The following ZSCAN20 variants were observed in gnomAD, a reference collection of about 807,000 sequenced individuals.
ZSCAN20 encodes the protein zinc finger and SCAN domain-containing protein 20.
A neutral mutation model predicts 97.1 loss-of-function variants in ZSCAN20; 39 were observed. That is an observed-to-expected ratio of 0.40 (90% CI 0.31 to 0.52). ZSCAN20 has a LOEUF of 0.52. ZSCAN20 is among the 20% of genes least tolerant of loss of function. The pLI, the probability that ZSCAN20 is intolerant of heterozygous loss-of-function variation, is 0.49. For synonymous variants in ZSCAN20, 456 were observed against 467.3 expected, an observed-to-expected ratio of 0.98 and a Z score of 0.31; for missense variants, 1,115 against 1,290.4, an observed-to-expected ratio of 0.86 and a Z score of 2.08.
At chr1:33,490,629 C>T (rs1487532980) in intron 5 of ZSCAN20, among the ~76,000 whole-genome samples, 1 of 149,728 alleles carries the variant, frequency 6.7e-6, no homozygotes, top group Non-Finnish European at 1.5e-5. Context: ...CCTAGCAGGA[C>T]AGAGACTCAC....
chr1:33,499,049 A>C lies in ZSCAN20; in HGVS notation c.*3573A>C, dbSNP rs1652972474. On this transcript the variant is annotated 3_prime_UTR_variant, in exon 8 of 8. Transcript: ENST00000684572. ...CGAGTAAAGCAGCTAGGGTCCCTCC[A>C]TGCTAAATAATGTAGTCAGGCGCTC... Among the ~76,000 whole-genome samples, 1 of 152,218 alleles carries C rather than the reference A, an allele frequency of 6.6e-6. No individual in the cohort carries two copies. The highest frequency in any genetic ancestry group is 1.5e-5 in the Non-Finnish European group (1 of 68,030).
In ZSCAN20 at chr1:33,500,808, T is replaced by G. The variant is rs1306191153; in HGVS notation, c.*5332T>G. Among the ~76,000 whole-genome samples, 2 of 151,846 alleles carry G rather than the reference T, an allele frequency of 1.3e-5. No individual in the cohort carries two copies. Among genetic ancestry groups the G allele is most frequent in the East Asian group, 3.9e-4 (2 of 5,122 alleles). On this transcript the variant is annotated 3_prime_UTR_variant, in exon 8 of 8. Coordinates refer to ENST00000684572, the MANE Select transcript of ZSCAN20 (RefSeq NM_001377376.1). Reference sequence around the variant, plus strand: ...CCTGGAGCAGCATGACAGATGTATCTGAGCCCAAGCAGGAGAGGAGCCACA... The same window carrying G: ...CCTGGAGCAGCATGACAGATGTATCGGAGCCCAAGCAGGAGAGGAGCCACA...
intron 5 of ZSCAN20, among the ~76,000 whole-genome samples, chr1:33,490,359 G>T (rs994897975): frequency 6.6e-6 from 1 of 152,008 alleles, no homozygotes; most frequent in Non-Finnish European, 1.5e-5. Flanking sequence ...TCAATTAAAG[G>T]CTTCCTATTT....
intron 5 of ZSCAN20, among the ~76,000 whole-genome samples, chr1:33,490,002 G>C (rs1422308794): frequency 6.6e-6 from 1 of 152,194 alleles, no homozygotes; most frequent in Non-Finnish European, 1.5e-5. Context: ...ATATCACAGA[G>C]CCCAAAATAC....
chr1:33,494,150 C>G lies in ZSCAN20; in HGVS notation c.1874-68C>G, dbSNP rs1314224026. The G allele has an allele frequency of 2.2e-6, 3 of 1,395,180 alleles. No individual in the cohort carries two copies. In the East Asian group the frequency reaches 6.9e-5, roughly 32 times the overall value. The allele number at this position is 1,395,180 out of a possible 1,614,324, so 86.4% of individuals were successfully genotyped here. ...CAAATTCACAGATGTACAATACAGA[C>G]ACACACAAACACACACACACGCGCG... is the stretch of plus-strand genomic sequence containing the variant. On this transcript the variant is annotated intron_variant, in intron 7 of 7. Coordinates refer to ENST00000684572, the MANE Select transcript of ZSCAN20 (RefSeq NM_001377376.1).
rs749098465 is a variant in ZSCAN20 at position 33,479,294 on chromosome 1, T to A, written c.6T>A (p.Ala2=). The change falls in exon 2 of 8, where the codon GCT becomes GCA. Residue 2 remains alanine (A), a synonymous_variant. Coordinates refer to ENST00000684572, the MANE Select transcript of ZSCAN20 (RefSeq NM_001377376.1). ...TGAGGTGTCTGGGTTAGACAATGGC[T>A]ATGGCCCTGGAATTGCAAGCCCAGG... is the stretch of plus-strand genomic sequence containing the variant. The part of the protein sequence containing the change: M[A]MALELQAQAS... The A allele has an allele frequency of 1.9e-6, 3 of 1,604,280 alleles. No homozygotes were observed. In the African/African-American group the frequency reaches 4.0e-5, roughly 21 times the overall value.
rs1362215833 is a variant in ZSCAN20, at chr1:33,487,825, T to C, written c.418-640T>C. ...GCCTGGTTAATTTTATTTATTTATT[T>C]ATTTATTATAGAGGTGAGGGTCTGC... On this transcript the variant is annotated intron_variant, in intron 2 of 7. Coordinates refer to ENST00000684572, the MANE Select transcript of ZSCAN20 (RefSeq NM_001377376.1). Among the ~76,000 whole-genome samples, 5 of 151,976 alleles carry C rather than the reference T, an allele frequency of 3.3e-5. No individual in the cohort carries two copies. In the East Asian group the frequency reaches 9.6e-4, roughly 29 times the overall value.
At chr1:33,489,654 A>T (rs1273922725) in intron 5 of ZSCAN20, 52 bp downstream of exon 5, 1 of 1,543,086 alleles carries the variant, frequency 6.5e-7, no homozygotes, top group Non-Finnish European at 9.0e-7. Flanking sequence ...TGATACACCC[A>T]GTTCCCAAAG....
Position 33,501,005 on chromosome 1 carries a change from C to CT in ZSCAN20, c.*5531dup, listed in dbSNP as rs1653050527. ...GGGGGATTCGTGGACCACAGAGAAG[C>CT]TTCCGCATATTTATAGGCACTGGGG... On this transcript the variant is annotated 3_prime_UTR_variant, in exon 8 of 8. Transcript: ENST00000684572. 6.6e-6 allele frequency among the ~76,000 whole-genome samples: 1 copy of CT among 152,152 alleles called. No individual in the cohort carries two copies. The highest frequency in any genetic ancestry group is 1.5e-5 in the Non-Finnish European group (1 of 68,038).
chr1:33,486,477 G>A (rs1486857465), intron 2 of ZSCAN20, among the ~76,000 whole-genome samples: 1 of 152,192 alleles, frequency 6.6e-6, no homozygotes, highest in African/African-American at 2.4e-5. Context: ...TCTAAGGAGA[G>A]TTGTTGATTT....
At chr1:33,474,860 G>T (rs180739573) in intron 1 of ZSCAN20, among the ~76,000 whole-genome samples, 1 of 152,300 alleles carries the variant, frequency 6.6e-6, no homozygotes, top group East Asian at 1.9e-4. Context: ...CATTTACATT[G>T]CTAGGTCCTT....
rs925764327 is a variant in ZSCAN20 at position 33,497,386 on chromosome 1, T to C, written c.*1910T>C. Among the ~76,000 whole-genome samples, 1 of 152,090 alleles carries C rather than the reference T, an allele frequency of 6.6e-6. No homozygotes were observed. Among genetic ancestry groups the C allele is most frequent in the Non-Finnish European group, 1.5e-5 (1 of 68,030 alleles). On this transcript the variant is annotated 3_prime_UTR_variant, in exon 8 of 8. Coordinates refer to ENST00000684572, the MANE Select transcript of ZSCAN20 (RefSeq NM_001377376.1). ...AGTGATATTGTCTAGTAATGTGAGCTGAGAGGAAGGATCCTGAGGTGAGGG... is the reference window on the plus strand; with the variant it reads ...AGTGATATTGTCTAGTAATGTGAGCCGAGAGGAAGGATCCTGAGGTGAGGG...
At chr1:33,472,847 G>A (rs2148438196) in intron 1 of ZSCAN20, among the ~76,000 whole-genome samples, 156 bp downstream of exon 1, 1 of 151,950 alleles carries the variant, frequency 6.6e-6, no homozygotes, top group South Asian at 2.1e-4. Flanking sequence ...GGATGTAGAG[G>A]CCGGAGATGG....
At chr1:33,483,082 T>TC (rs1422491177) in intron 2 of ZSCAN20, among the ~76,000 whole-genome samples, 2 of 152,208 alleles carry the variant, frequency 1.3e-5, no homozygotes, top group Non-Finnish European at 2.9e-5. Context: ...GTCCAGCTTA[T>TC]CAATTATTTC....
At chr1:33,475,198 C>T (rs1395006834) in intron 1 of ZSCAN20, among the ~76,000 whole-genome samples, 2 of 152,174 alleles carry the variant, frequency 1.3e-5, no homozygotes, top group South Asian at 2.1e-4. Context: ...AAAGGGATCT[C>T]GGCTTAGACC....
rs1038119785 is a variant in ZSCAN20, at chr1:33,494,148, GAC to G, written c.1874-62_1874-61del. The G allele has an allele frequency of 1.7e-5, 23 of 1,389,258 alleles. No individual in the cohort carries two copies. In the African/African-American group the frequency reaches 3.3e-4, roughly 20 times the overall value. The allele number at this position is 1,389,258 out of a possible 1,614,324, so 86.1% of individuals were successfully genotyped here. ...GCCAAATTCACAGATGTACAATACA[GAC>G]ACACACAAACACACACACACGCGCG... On this transcript the variant is annotated intron_variant, in intron 7 of 7. Coordinates refer to ENST00000684572, the MANE Select transcript of ZSCAN20 (RefSeq NM_001377376.1).
rs1652594260 is a variant in ZSCAN20 at position 33,491,276 on chromosome 1, G to A, written c.1018G>A (p.Glu340Lys). 1.2e-6 allele frequency: 2 copies of A among 1,614,074 alleles called. No homozygotes were observed. ...CAAGACTTTCCTGGCAATTTTGAGT[G>A]AATCTCCTTTCTCTGAAAAGCTCCG... ...ETKTFLAILS[E>K]SPFSEKLRTC... Residue 340 changes from glutamate to lysine, a missense_variant, in exon 6 of 8, where the codon GAA (glutamate) becomes AAA (lysine). Transcript: ENST00000684572. This position sits in a 1 kb window ranked among gnomAD's most constrained non-coding sequence, Gnocchi z 4.3.
At position 33,491,748 on chromosome 1, in the gene ZSCAN20, A is replaced by G. The variant is rs1283785366; in HGVS notation, c.1444+46A>G. The G allele has an allele frequency of 2.0e-6, 3 of 1,514,458 alleles. No homozygotes were observed. The highest frequency in any genetic ancestry group is 2.2e-5 in the Admixed American group (1 of 45,648). The allele number at this position is 1,514,458 out of a possible 1,614,324, so 93.8% of individuals were successfully genotyped here. A position where few individuals can be genotyped will look rare whatever the true frequency, so the allele number is the denominator to read the frequency against. On this transcript the variant is annotated intron_variant, in intron 6 of 7. Coordinates refer to ENST00000684572, the MANE Select transcript of ZSCAN20 (RefSeq NM_001377376.1). This position sits in a 1 kb window ranked among gnomAD's most constrained non-coding sequence, Gnocchi z 4.3. Reference sequence around the variant, plus strand: ...TCAGATTCAGATTTCCAACCCTCCTACCAGCTAGACTGCTATTCCCTGAGG... The same window carrying G: ...TCAGATTCAGATTTCCAACCCTCCTGCCAGCTAGACTGCTATTCCCTGAGG...
At chr1:33,480,723 A>G (rs978214377) in intron 2 of ZSCAN20, among the ~76,000 whole-genome samples, 3 of 152,248 alleles carry the variant, frequency 2.0e-5, no homozygotes, top group Middle Eastern at 3.2e-3. Context: ...GAGCTGAGGT[A>G]AGGGAAATGA....
Sources: gnomAD v4.1 joint callset for allele counts (sites outside exome capture counted in the v4.1 genomes callset) on GRCh38, gnomAD v4.1.1 for gene constraint, Gnocchi (gnomAD v3.1) non-coding constraint, MANE v1.5 for transcripts, NCBI Gene and HGNC (gene_info 2026-07-23, HGNC 2026-07-21) for gene names.